Variants in SLC2A13 observed in about 807,000 individuals in gnomAD.
SLC2A13 encodes proton myo-inositol cotransporter.
Under a neutral mutation model 64.4 loss-of-function variants are expected in SLC2A13, and 32 were observed. The observed-to-expected ratio is 0.50, with a 90% CI of 0.37 to 0.67. The LOEUF is 0.67. Ranked by LOEUF, SLC2A13 falls within the 30% of genes least tolerant of loss-of-function variation. The pLI, the probability that SLC2A13 is intolerant of heterozygous loss-of-function variation, is 0.00. For missense variants in SLC2A13, 743 were observed against 829.2 expected (o/e 0.90, Z 1.28); for synonymous variants, 338 against 327.1 (o/e 1.03, Z -0.36).
chr12:40,025,045 G>A (rs770934267), intron 3 of SLC2A13, among the ~76,000 whole-genome samples: 16 of 152,212 alleles, frequency 1.1e-4, no homozygotes, highest in African/African-American at 1.4e-4. Flanking sequence ...CTGAGCACAC[G>A]TGAAAACCAA....
intron 4 of SLC2A13, among the ~76,000 whole-genome samples, chr12:39,923,628 G>A (rs543989938): frequency 2.0e-5 from 3 of 148,998 alleles, no homozygotes; most frequent in East Asian, 2.0e-4. Flanking sequence ...TGAATTGTAC[G>A]CTCAAGAATG....
chr12:39,961,069 GTTT>G (rs896098910), intron 3 of SLC2A13, among the ~76,000 whole-genome samples: 1 of 147,148 alleles, frequency 6.8e-6, no homozygotes. Context: ...TAAAGAGAAT[GTTT>G]TTTTCTTTTT....
At chr12:40,066,786 A>AATGAAGTAAG (rs1937744414) in intron 1 of SLC2A13, among the ~76,000 whole-genome samples, 1 of 152,196 alleles carries the variant, frequency 6.6e-6, no homozygotes, top group Non-Finnish European at 1.5e-5. Flanking sequence ...TGCAAGTTAA[A>AATGAAGTAAG]ATGAAGTAAG....
intron 3 of SLC2A13, among the ~76,000 whole-genome samples, chr12:39,996,067 A>G (rs2136173994): frequency 6.6e-6 from 1 of 152,342 alleles, no homozygotes; most frequent in South Asian, 2.1e-4. Context: ...CTCTCTAGAG[A>G]CTTGTTGAAT....
chr12:40,052,450 T>G (rs1042501667), intron 1 of SLC2A13, among the ~76,000 whole-genome samples: 14 of 151,932 alleles, frequency 9.2e-5, no homozygotes, highest in African/African-American at 3.4e-4. Context: ...TGAGGTATAT[T>G]GGGAGAAGTT....
intron 4 of SLC2A13, among the ~76,000 whole-genome samples, chr12:39,906,213 C>T (rs1164385886): frequency 2.6e-5 from 4 of 152,104 alleles, no homozygotes; most frequent in African/African-American, 4.8e-5. Flanking sequence ...TTCTTGAAGT[C>T]AGTAATTCCA....
chr12:40,085,033 T>C (rs1006576978), intron 1 of SLC2A13, among the ~76,000 whole-genome samples: 1 of 152,154 alleles, frequency 6.6e-6, no homozygotes, highest in East Asian at 1.9e-4. Context: ...TATAATTGAT[T>C]ATGACACTTC....
intron 1 of SLC2A13, chr12:40,068,256 G>A: frequency 5.9e-6 from 2 of 338,206 alleles, no homozygotes; most frequent in Non-Finnish European, 1.1e-5. Context: ...CTTTTCACCA[G>A]TATCTTCTGG....
At chr12:39,793,387 C>A (rs1225648992) in intron 7 of SLC2A13, among the ~76,000 whole-genome samples, 3 of 152,038 alleles carry the variant, frequency 2.0e-5, no homozygotes, top group Non-Finnish European at 4.4e-5. Flanking sequence ...GTAAAGACAT[C>A]AATTCATCCC....
chr12:39,940,387 CTA>C (rs1442178146), intron 4 of SLC2A13, among the ~76,000 whole-genome samples: 3 of 151,924 alleles, frequency 2.0e-5, no homozygotes, highest in Non-Finnish European at 2.9e-5. Context: ...TGTGCTTGTG[CTA>C]TGTTTCCTGA....
chr12:40,093,052 T>C (rs1938819113), intron 1 of SLC2A13, among the ~76,000 whole-genome samples: 1 of 152,250 alleles, frequency 6.6e-6, no homozygotes, highest in South Asian at 2.1e-4. Context: ...TTACTCCAAG[T>C]TCATCCTTGA....
At chr12:39,959,996 C>T (rs549824865) in intron 3 of SLC2A13, among the ~76,000 whole-genome samples, 3 of 152,180 alleles carry the variant, frequency 2.0e-5, no homozygotes, top group Admixed American at 6.5e-5. Context: ...CCAGACAGGC[C>T]CCAGTGTGTG....
chr12:39,799,339 G>A (rs1485916925), intron 7 of SLC2A13, among the ~76,000 whole-genome samples: 1 of 146,554 alleles, frequency 6.8e-6, no homozygotes, highest in Non-Finnish European at 1.5e-5. Flanking sequence ...CAAACTCCTG[G>A]CCTCAAGTGA....
chr12:39,973,294 C>T (rs1946699538), intron 3 of SLC2A13, among the ~76,000 whole-genome samples: 1 of 152,230 alleles, frequency 6.6e-6, no homozygotes, highest in African/African-American at 2.4e-5. Context: ...TCTTGAAACA[C>T]TCCCTTCACT....
chr12:39,836,535 G>C (rs1284116281), intron 6 of SLC2A13, among the ~76,000 whole-genome samples: 2 of 151,538 alleles, frequency 1.3e-5, no homozygotes, highest in Non-Finnish European at 2.9e-5. Context: ...ATTAGGAAAA[G>C]AGGAAGTCAA....
At chr12:40,045,439 G>A (rs971046908) in intron 2 of SLC2A13, among the ~76,000 whole-genome samples, 10 of 151,068 alleles carry the variant, frequency 6.6e-5, no homozygotes, top group African/African-American at 2.2e-4. Context: ...CAATTACAGA[G>A]TCTAAAGTTA....
At chr12:39,832,071 G>A (rs971855568) in intron 6 of SLC2A13, among the ~76,000 whole-genome samples, 1 of 152,038 alleles carries the variant, frequency 6.6e-6, no homozygotes, top group Non-Finnish European at 1.5e-5. Context: ...TGACACTTCA[G>A]CCCTAGACAA....
At position 39,968,763 on chromosome 12, in the gene SLC2A13, TATATATATATATATATA is replaced by T. The variant is rs1565567258; in HGVS notation, c.926-17415_926-17399del. Reference sequence around the variant, plus strand: ...TTATTTTTGTTGTTTTTTTTTGGTATATATATATATATATATATATATATATATATATATATATATAT... The same window carrying T: ...TTATTTTTGTTGTTTTTTTTTGGTATTATATATATATATATATATATATAT... On this transcript the variant is annotated intron_variant, in intron 3 of 9. Transcript: ENST00000280871. Among the ~76,000 whole-genome samples the T allele has an allele frequency of 2.1e-3, 229 of 108,846 alleles. 6 individuals carry two copies. The highest frequency in any genetic ancestry group is 0.019 in the Middle Eastern group (4 of 216). The allele number at this position is 108,846 out of a possible 152,430, so 71.4% of individuals were successfully genotyped here.
At chr12:39,911,889 C>T (rs1462345804) in intron 4 of SLC2A13, among the ~76,000 whole-genome samples, 1 of 152,014 alleles carries the variant, frequency 6.6e-6, no homozygotes, top group Non-Finnish European at 1.5e-5. Flanking sequence ...TGCCAGGATG[C>T]TTTCAGATGG....
Sources: allele counts gnomAD v4.1 joint callset (sites outside exome capture counted in the v4.1 genomes callset), GRCh38; gene constraint gnomAD v4.1.1; transcripts MANE v1.5; gene names NCBI Gene and HGNC (gene_info 2026-07-23, HGNC 2026-07-21).